PPIL3: variants seen among roughly 807,000 people sequenced by gnomAD.
PPIL3 encodes the protein peptidylprolyl isomerase like 3.
Under a neutral mutation model 20.9 loss-of-function variants are expected in PPIL3, and 13 were observed. The ratio of observed to expected loss-of-function variants is 0.62; its 90% CI spans 0.40 to 0.99. PPIL3 has a LOEUF of 0.99. PPIL3 is among the 50% of genes least tolerant of loss of function. The pLI is 0.00. For missense variants in PPIL3, 170 were observed against 195.2 expected (o/e 0.87, Z 0.77); for synonymous variants, 71 against 64.4 (o/e 1.10, Z -0.49).
chr2:200,888,427 CTT>C (rs35240360), intron 1 of PPIL3: 26 of 143,312 alleles, frequency 1.8e-4, no homozygotes, highest in South Asian at 1.5e-3. Context: ...ATGAAATTCG[CTT>C]TTTTTTTTTT....
intron 6 of PPIL3, among the ~76,000 whole-genome samples, chr2:200,872,814 T>C (rs2039360579): frequency 6.6e-6 from 1 of 152,014 alleles, no homozygotes; most frequent in African/African-American, 2.4e-5. Flanking sequence ...TAGATGACAC[T>C]ATTAGCAATA....
At chr2:200,876,574 A>C (rs2039525288) in intron 6 of PPIL3, among the ~76,000 whole-genome samples, 1 of 149,452 alleles carries the variant, frequency 6.7e-6, no homozygotes, top group Non-Finnish European at 1.5e-5. Context: ...CTGGAGTGCA[A>C]TGGCATGATC....
chr2:200,887,353 C>T (rs1347979177), intron 2 of PPIL3, among the ~76,000 whole-genome samples: 1 of 145,360 alleles, frequency 6.9e-6, no homozygotes, highest in Non-Finnish European at 1.5e-5. Flanking sequence ...CCACTGCACT[C>T]CAGCCTGGGA....
Position 200,871,398 on chromosome 2 carries a change from C to T in PPIL3, c.483G>A (p.Gln161=). The T allele has an allele frequency of 1.2e-6, 2 of 1,610,104 alleles. No homozygotes were observed. Among genetic ancestry groups the T allele is most frequent in the Non-Finnish European group, 1.7e-6 (2 of 1,177,816 alleles). The change falls in exon 7 of 7, where the codon CAG becomes CAA. Residue 161 remains glutamine (Q), a synonymous_variant. Transcript: ENST00000392283. ...DITIHANPFA[Q] is the part of the protein sequence containing the mutation. ...TATTTGTCCAGGTCTATCATAGCTA[C>T]TGAGCAAATGGGTTGGCATGAATAG... is the stretch of plus-strand genomic sequence containing the variant.
At chr2:200,879,779 C>T (rs897393288) in intron 5 of PPIL3, among the ~76,000 whole-genome samples, 2 of 152,106 alleles carry the variant, frequency 1.3e-5, no homozygotes, top group South Asian at 2.1e-4. Flanking sequence ...TGCAGTGAAC[C>T]GTGATCAGGC....
At chr2:200,877,115 A>G in intron 5 of PPIL3, 78 bp from the exon 6 acceptor site, 1 of 960,110 alleles carries the variant, frequency 1.0e-6, no homozygotes, top group Non-Finnish European at 1.7e-6. Context: ...AGACAGGCAC[A>G]CCTTTGTTTT....
chr2:200,871,885 G>T (rs1304664423), intron 6 of PPIL3, among the ~76,000 whole-genome samples: 2 of 152,114 alleles, frequency 1.3e-5, no homozygotes, highest in Non-Finnish European at 2.9e-5. Flanking sequence ...CCAAATGTGT[G>T]GGTTTTCCCA....
intron 5 of PPIL3, 52 bp downstream of exon 5, chr2:200,881,369 C>T: frequency 7.2e-7 from 1 of 1,385,524 alleles, no homozygotes; most frequent in Admixed American, 1.9e-5. Flanking sequence ...ATCAAAGTTT[C>T]CATGCATAAC....
At chr2:200,883,418 T>G (rs183483999) in intron 3 of PPIL3, among the ~76,000 whole-genome samples, 237 of 152,118 alleles carry the variant, frequency 1.6e-3, no homozygotes, top group Non-Finnish European at 3.0e-3. Flanking sequence ...CCCATTATTC[T>G]CTATCTCAAC....
chr2:200,880,190 T>C (rs977869331), intron 5 of PPIL3, among the ~76,000 whole-genome samples: 1 of 151,932 alleles, frequency 6.6e-6, no homozygotes, highest in Non-Finnish European at 1.5e-5. Context: ...TAGTCTGCAG[T>C]GAGCCAAGAA....
In PPIL3 at chr2:200,871,521, C is replaced by T. The variant is rs770126837; in HGVS notation, c.360G>A (p.Lys120=). The T allele has an allele frequency of 6.2e-7, 1 of 1,609,672 alleles. No homozygotes were observed. Among genetic ancestry groups the T allele is most frequent in the Non-Finnish European group, 8.5e-7 (1 of 1,178,182 alleles). Residue 120 remains lysine, a splice_region_variant and synonymous_variant, in exon 7 of 7, where the codon AAG becomes AAA. Transcript: ENST00000392283. ...HLDMKYTVFG[K]VIDGLETLDE... is the part of the protein sequence containing the mutation. ...CTAGAGTTTCCAGACCATCTATTACCCTGAAAGAGAAACAACATAACATAT... is the reference window on the plus strand; with the variant it reads ...CTAGAGTTTCCAGACCATCTATTACTCTGAAAGAGAAACAACATAACATAT...
At chr2:200,888,613 C>T (rs1407271517) in intron 1 of PPIL3, 2 of 215,206 alleles carry the variant, frequency 9.3e-6, no homozygotes, top group Admixed American at 5.4e-5. Flanking sequence ...TCCGCCTCCG[C>T]CTCCCGGGTT....
At chr2:200,889,232 A>G, upstream of PPIL3, 1 of 351,344 alleles carries the variant, frequency 2.8e-6, no homozygotes, top group Non-Finnish European at 5.6e-6. Context: ...AAGAAGTGTA[A>G]GGCGAAACTA....
intron 2 of PPIL3, among the ~76,000 whole-genome samples, chr2:200,886,728 G>A (rs1004056423): frequency 5.3e-5 from 8 of 152,074 alleles, no homozygotes; most frequent in Admixed American, 3.9e-4. Flanking sequence ...GCCTGGCCTA[G>A]CAGTTAGAGA....
Position 200,885,714 on chromosome 2 carries a change from G to C in PPIL3, c.62C>G (p.Thr21Arg). The change falls in exon 3 of 7, where the codon ACA (threonine) becomes AGA (arginine). Residue 21 changes from threonine (T) to arginine (R), a missense_variant. By Grantham distance (71) the Thr-to-Arg change is moderately conservative. Coordinates refer to ENST00000392283, the MANE Select transcript of PPIL3 (RefSeq NM_130906.3). ...AGTACTTACCTCACATGTTTTGGGT[G>C]TCCTCTCACAGAAGACTTCAATTTT... ...DIKIEVFCER[T>R]PKTCENFLAL... is the part of the protein sequence containing the mutation. The C allele has an allele frequency of 6.3e-7, 1 of 1,576,906 alleles. No individual in the cohort carries two copies. Among genetic ancestry groups the C allele is most frequent in the Non-Finnish European group, 8.7e-7 (1 of 1,148,574 alleles).
intron 6 of PPIL3, among the ~76,000 whole-genome samples, chr2:200,871,740 G>T (rs2039313960): frequency 2.6e-5 from 4 of 152,122 alleles, no homozygotes. Context: ...ACAAAGGGTA[G>T]GAATATTTCC....
rs771596570 is a variant in PPIL3, at chr2:200,877,020, A to G, written c.258T>C (p.Val86=). Residue 86 remains valine, a synonymous_variant, in exon 6 of 7, where the codon GTT becomes GTC. Coordinates refer to ENST00000392283, the MANE Select transcript of PPIL3 (RefSeq NM_130906.3). ...TCGGGCCATTATTAGCCATAGATAC[A>G]ACACCTCTAACATTGTGCTGAAAAA... ...SEYLKHNVRG[V]VSMANNGPNT... 9 of 1,606,350 alleles carry G rather than the reference A, an allele frequency of 5.6e-6. No individual in the cohort carries two copies. The highest frequency in any genetic ancestry group is 7.7e-6 in the Non-Finnish European group (9 of 1,172,950).
chr2:200,879,588 A>T (rs1316980583), intron 5 of PPIL3, among the ~76,000 whole-genome samples: 1 of 152,174 alleles, frequency 6.6e-6, no homozygotes, highest in Non-Finnish European at 1.5e-5. Context: ...TAATCCCAAC[A>T]CTTTGGGAGG....
chr2:200,876,589 C>T (rs536071671), intron 6 of PPIL3, among the ~76,000 whole-genome samples: 145 of 151,020 alleles, frequency 9.6e-4, no homozygotes, highest in African/African-American at 3.2e-3. Flanking sequence ...ATGATCACGG[C>T]TCACTGTAAC....
Sources: gnomAD v4.1 joint callset for allele counts (sites outside exome capture counted in the v4.1 genomes callset) on GRCh38, gnomAD v4.1.1 for gene constraint, MANE v1.5 for transcripts, NCBI Gene and HGNC (gene_info 2026-07-23, HGNC 2026-07-21) for gene names.